The following UTP20 variants were observed in gnomAD, a reference collection of about 807,000 sequenced individuals.
UTP20 encodes UTP20 small subunit processome component.
UTP20 carries 164 observed loss-of-function variants against 329.5 expected under a neutral mutation model. The observed-to-expected ratio is 0.50, with a 90% CI of 0.44 to 0.57. The LOEUF (loss-of-function observed/expected upper bound fraction) is 0.57. Ranked by LOEUF, UTP20 falls within the 20% of genes least tolerant of loss-of-function variation. UTP20 has a pLI of 0.00. For synonymous variants in UTP20, 1,151 were observed against 1,159.3 expected (o/e 0.99, Z 0.14); for missense variants, 3,055 against 3,284.2 (o/e 0.93, Z 1.71).
chr12:101,381,004 T>A, intron 57 of UTP20, 136 bp from the exon 58 acceptor site: 1 of 691,380 alleles, frequency 1.4e-6, no homozygotes, highest in South Asian at 1.8e-5. Context: ...GAACCTTTCC[T>A]CTCCAAATCT....
intron 17 of UTP20, 25 bp from the exon 18 acceptor site, chr12:101,308,160 T>TA: frequency 6.6e-7 from 1 of 1,506,774 alleles, no homozygotes. Flanking sequence ...ACTGGTCTTC[T>TA]CCATGGTTTT....
intron 53 of UTP20, 50 bp from the exon 54 acceptor site, chr12:101,373,535 A>T: frequency 6.2e-7 from 1 of 1,612,908 alleles, no homozygotes; most frequent in Non-Finnish European, 8.5e-7. Flanking sequence ...TTGCTAGAGC[A>T]TCTGTAGGAA....
intron 12 of UTP20, among the ~76,000 whole-genome samples, chr12:101,298,218 T>G (rs964087191): frequency 3.9e-5 from 6 of 152,202 alleles, no homozygotes; most frequent in African/African-American, 1.4e-4. Context: ...TTCCTTCTTT[T>G]GGGGAAAGGA....
At chr12:101,322,206 T>C (rs1047876624) in intron 25 of UTP20, among the ~76,000 whole-genome samples, 86 of 152,186 alleles carry the variant, frequency 5.7e-4, no homozygotes, top group African/African-American at 1.9e-3. Context: ...GCCAGGCTGG[T>C]CTTGAACTCC....
chr12:101,302,987 T>G (rs964468759), intron 15 of UTP20, among the ~76,000 whole-genome samples: 4 of 152,224 alleles, frequency 2.6e-5, no homozygotes, highest in African/African-American at 4.8e-5. Flanking sequence ...TCTTTTTTTT[T>G]GTTGGTTTGG....
chr12:101,285,890 C>T lies in UTP20; in HGVS notation c.326+9C>T. On this transcript the variant is annotated intron_variant, in intron 4 of 61. Coordinates refer to ENST00000261637, the MANE Select transcript of UTP20 (RefSeq NM_014503.3). ...TATCAACCCCTTTTGGAGTAAGTAGCATCTTGAGAGAAAGCTCACAACTAT... is the reference window on the plus strand; with the variant it reads ...TATCAACCCCTTTTGGAGTAAGTAGTATCTTGAGAGAAAGCTCACAACTAT... 6.2e-7 allele frequency: 1 copy of T among 1,611,688 alleles called. No individual in the cohort carries two copies. Among genetic ancestry groups the T allele is most frequent in the Non-Finnish European group, 8.5e-7 (1 of 1,179,116 alleles).
In UTP20 at chr12:101,386,227, T is replaced by G; in HGVS notation, c.*104T>G. ...GGGGGGAGGCGTTTTTTTTTTTTTT[T>G]GAGACAAGGTCTCACTCTGTCACCC... On this transcript the variant is annotated 3_prime_UTR_variant, in exon 62 of 62. Coordinates refer to ENST00000261637, the MANE Select transcript of UTP20 (RefSeq NM_014503.3). 9.7e-7 allele frequency: 1 copy of G among 1,029,148 alleles called. No individual in the cohort carries two copies. Among genetic ancestry groups the G allele is most frequent in the Non-Finnish European group, 1.4e-6 (1 of 701,992 alleles). 63.8% of individuals were successfully genotyped at this position (1,029,148 alleles called of 1,614,324 possible). A position where few individuals can be genotyped will look rare whatever the true frequency, so the allele number is the denominator to read the frequency against.
intron 38 of UTP20, among the ~76,000 whole-genome samples, chr12:101,348,739 G>GTTTTT (rs35417344): frequency 9.3e-5 from 9 of 97,294 alleles, no homozygotes; most frequent in Admixed American, 1.3e-4. Flanking sequence ...GTTTTTGGTG[G>GTTTTT]TTTTTTTTTT....
intron 18 of UTP20, among the ~76,000 whole-genome samples, chr12:101,309,189 T>C (rs1174884389): frequency 2.0e-5 from 3 of 152,216 alleles, no homozygotes; most frequent in Non-Finnish European, 2.9e-5. Flanking sequence ...AATATACTTC[T>C]GTTTCATTTG....
intron 12 of UTP20, among the ~76,000 whole-genome samples, chr12:101,299,232 G>T (rs976356758): frequency 6.6e-6 from 1 of 152,146 alleles, no homozygotes; most frequent in African/African-American, 2.4e-5. Context: ...AGCAGCAGGA[G>T]AAAATTACTT....
chr12:101,356,947 C>T lies in UTP20; in HGVS notation c.5556C>T (p.Ala1852=). The change falls in exon 43 of 62, where the codon GCC becomes GCT. Residue 1852 remains alanine (A), a synonymous_variant. Transcript: ENST00000261637. The part of the protein sequence containing the change: ...NLPSILLKVC[A]LLKNRAQEIR... ...CTAGTATTTTGCTGAAAGTGTGTGC[C>T]CTACTCAAGAACAGAGCCCAAGAAA... The T allele has an allele frequency of 6.2e-7, 1 of 1,610,970 alleles. No homozygotes were observed.
At chr12:101,291,226 G>A (rs1178313789) in intron 8 of UTP20, 1 of 187,588 alleles carries the variant, frequency 5.3e-6, no homozygotes. Flanking sequence ...TCTCCCTCAG[G>A]GTTGCTGTGA....
At position 101,386,212 on chromosome 12, in the gene UTP20, G is replaced by T. The variant is rs539042220; in HGVS notation, c.*89G>T. 298 of 906,114 alleles carry T rather than the reference G, an allele frequency of 3.3e-4. 1 individual carries two copies. In the African/African-American group the frequency reaches 3.4e-3, roughly 10 times the overall value. 56.1% of individuals were successfully genotyped at this position (906,114 alleles called of 1,614,324 possible). ...AGGTTGTCTGGGGTAGGGGGGAGGC[G>T]TTTTTTTTTTTTTTTGAGACAAGGT... On this transcript the variant is annotated 3_prime_UTR_variant, in exon 62 of 62. Coordinates refer to ENST00000261637, the MANE Select transcript of UTP20 (RefSeq NM_014503.3).
chr12:101,335,123 AG>A (rs930989565), intron 29 of UTP20, among the ~76,000 whole-genome samples: 1 of 152,198 alleles, frequency 6.6e-6, no homozygotes, highest in Non-Finnish European at 1.5e-5. Flanking sequence ...TAGCACGTGG[AG>A]GTTTGGGTAG....
chr12:101,307,127 G>A (rs1343821111), intron 17 of UTP20, among the ~76,000 whole-genome samples: 5 of 148,840 alleles, frequency 3.4e-5, no homozygotes, highest in Non-Finnish European at 4.4e-5. Context: ...GCAGTGAGCC[G>A]AGATCGCACC....
Position 101,340,623 on chromosome 12 carries a change from A to C in UTP20, c.4101+13A>C. 1.3e-6 allele frequency: 2 copies of C among 1,563,722 alleles called. No homozygotes were observed. The highest frequency in any genetic ancestry group is 1.8e-6 in the Non-Finnish European group (2 of 1,137,762). ...CAATATTGCTGAGGTACAAACTCAT[A>C]GGACACTTAACTTTGTCTCTAGAGT... On this transcript the variant is annotated intron_variant, in intron 32 of 61. Transcript: ENST00000261637.
intron 47 of UTP20, 107 bp downstream of exon 47, chr12:101,366,806 G>A (rs1266458331): frequency 2.2e-6 from 3 of 1,380,158 alleles, no homozygotes; most frequent in Non-Finnish European, 2.9e-6. Flanking sequence ...ATGCCTTACT[G>A]TAAATACATT....
At chr12:101,383,773 T>C (rs542513919) in intron 60 of UTP20, 104 bp downstream of exon 60, 2 of 667,824 alleles carry the variant, frequency 3.0e-6, no homozygotes, top group East Asian at 5.4e-5. Context: ...CTGCCTGAGA[T>C]TTATTTTTAT....
chr12:101,368,702 A>G (rs569487406), intron 48 of UTP20, among the ~76,000 whole-genome samples: 4 of 152,222 alleles, frequency 2.6e-5, no homozygotes, highest in African/African-American at 9.6e-5. Flanking sequence ...TGATCCTCAC[A>G]ACCACCCCTG....
Sources: allele counts gnomAD v4.1 joint callset (sites outside exome capture counted in the v4.1 genomes callset), GRCh38; gene constraint gnomAD v4.1.1; transcripts MANE v1.5; gene names NCBI Gene and HGNC (gene_info 2026-07-23, HGNC 2026-07-21).